Variants in LAMA2 observed in about 807,000 individuals in gnomAD.
The protein encoded by LAMA2 is laminin subunit alpha 2.
In LAMA2, 269 loss-of-function variants were observed where a neutral mutation model predicts 364.8. That is an observed-to-expected ratio of 0.74 (90% CI 0.67 to 0.82). LAMA2 has a LOEUF of 0.82. LAMA2 is among the 40% of genes least tolerant of loss of function. The pLI is 0.00. For synonymous variants in LAMA2, 1,379 were observed against 1,370.6 expected (o/e 1.01, Z -0.14); for missense variants, 3,807 against 3,873.2 (o/e 0.98, Z 0.45).
At chr6:129,103,157 TCTTGATAGC>T (rs1347238744) in intron 4 of LAMA2, among the ~76,000 whole-genome samples, 1 of 152,254 alleles carries the variant, frequency 6.6e-6, no homozygotes. Context: ...ATCTTCACTC[TCTTGATAGC>T]TCTCACATGG....
intron 1 of LAMA2, among the ~76,000 whole-genome samples, chr6:128,974,839 T>C (rs967516560): frequency 3.3e-5 from 5 of 151,136 alleles, no homozygotes; most frequent in African/African-American, 1.2e-4. Flanking sequence ...TGTGACACAA[T>C]TTAATGAGTA....
intron 55 of LAMA2, among the ~76,000 whole-genome samples, chr6:129,483,055 A>C (rs1277191348): frequency 6.9e-6 from 1 of 144,502 alleles, no homozygotes. Context: ...CGACAATGTG[A>C]GACTCCGACT....
Position 129,328,390 on chromosome 6 carries a change from AC to A in LAMA2, c.4292del (p.Pro1431LeufsTer43), listed in dbSNP as rs1488294281. The A allele has an allele frequency of 6.2e-7, 1 of 1,614,148 alleles. No individual in the cohort carries two copies. The highest frequency in any genetic ancestry group is 1.1e-5 in the South Asian group (1 of 91,082). ...CQCNGHSSLC[D>X]PETSICQNCQ... is the part of the protein sequence containing the mutation. ...TGTAATGGACACAGCAGCCTGTGTG[AC>A]CCTGAAACATCGATATGCCAGGTAG... On this transcript the variant is annotated frameshift_variant, in exon 29 of 65. Coordinates refer to ENST00000421865, the MANE Select transcript of LAMA2 (RefSeq NM_000426.4). LOFTEE classifies it high-confidence loss of function.
chr6:129,213,078 C>G (rs1218937941), intron 12 of LAMA2, among the ~76,000 whole-genome samples: 1 of 152,196 alleles, frequency 6.6e-6, no homozygotes, highest in Non-Finnish European at 1.5e-5. Flanking sequence ...TCTTCGCTGT[C>G]TCCATGATTT....
Position 129,200,214 on chromosome 6 carries a change from G to GTA in LAMA2, c.1782+7370_1782+7371dup, listed in dbSNP as rs766032260. On this transcript the variant is annotated intron_variant, in intron 12 of 64. Transcript: ENST00000421865. The stretch of plus-strand genomic sequence containing the variant: ...TATATACATGTACACATATACATGT[G>GTA]TATATATATACGTGTACACATATAC... Among the ~76,000 whole-genome samples the GTA allele has an allele frequency of 1.6e-4, 21 of 131,704 alleles. 1 individual carries two copies. In the East Asian group the frequency reaches 4.4e-3, roughly 28 times the overall value. The allele number at this position is 131,704 out of a possible 152,430, so 86.4% of individuals were successfully genotyped here.
At position 129,452,992 on chromosome 6, in the gene LAMA2, A is replaced by C. The variant is rs1782760304; in HGVS notation, c.6434A>C (p.Lys2145Thr). 1 of 1,612,308 alleles carries C rather than the reference A, an allele frequency of 6.2e-7. No homozygotes were observed. The highest frequency in any genetic ancestry group is 1.3e-5 in the African/African-American group (1 of 74,890). ...TGTATCTTGTTTTTTTTAAAGATCAAAGTATCTGTGTCTTCAGGAGGTGAC... is the reference window on the plus strand; with the variant it reads ...TGTATCTTGTTTTTTTTAAAGATCACAGTATCTGTGTCTTCAGGAGGTGAC... The part of the protein sequence containing the change: ...NQARKQANSI[K>T]VSVSSGGDCI... Residue 2145 changes from lysine to threonine, a missense_variant, in exon 46 of 65, where the codon AAA becomes ACA. Around this residue, in one of 3 missense-constraint regions of LAMA2, gnomAD observed 3,333 missense variants for 3,345.7 expected, o/e 1.00. Coordinates refer to ENST00000421865, the MANE Select transcript of LAMA2 (RefSeq NM_000426.4).
intron 1 of LAMA2, among the ~76,000 whole-genome samples, chr6:129,014,338 C>T (rs899810536): frequency 6.6e-6 from 1 of 152,118 alleles, no homozygotes; most frequent in African/African-American, 2.4e-5. Flanking sequence ...CTGCATTTGT[C>T]CCCTCTGCGT....
intron 12 of LAMA2, among the ~76,000 whole-genome samples, chr6:129,226,512 T>C (rs991981214): frequency 6.6e-5 from 10 of 152,176 alleles, no homozygotes; most frequent in African/African-American, 2.4e-4. Flanking sequence ...CAGGAGCTCT[T>C]TTAGGGCAGG....
chr6:128,996,304 G>A (rs1381532828), intron 1 of LAMA2, among the ~76,000 whole-genome samples: 1 of 152,048 alleles, frequency 6.6e-6, no homozygotes, highest in Non-Finnish European at 1.5e-5. Context: ...GGTGGGGAGT[G>A]TTTGAGGGGT....
intron 4 of LAMA2, among the ~76,000 whole-genome samples, chr6:129,105,376 G>C (rs1211797332): frequency 6.6e-6 from 1 of 152,160 alleles, no homozygotes. Flanking sequence ...CTGCCACTTG[G>C]AAGCACCCTG....
intron 37 of LAMA2, among the ~76,000 whole-genome samples, chr6:129,397,811 G>T (rs1320002025): frequency 6.6e-6 from 1 of 151,676 alleles, no homozygotes; most frequent in Non-Finnish European, 1.5e-5. Flanking sequence ...GTGGTGGCAG[G>T]CACCTGCAGT....
At chr6:128,996,725 T>G (rs2114671753) in intron 1 of LAMA2, among the ~76,000 whole-genome samples, 1 of 152,348 alleles carries the variant, frequency 6.6e-6, no homozygotes, top group South Asian at 2.1e-4. Context: ...TGGTGATTCC[T>G]CAAGGATCTA....
At chr6:129,416,289 T>C (rs927129681) in intron 40 of LAMA2, among the ~76,000 whole-genome samples, 8 of 152,234 alleles carry the variant, frequency 5.3e-5, no homozygotes, top group African/African-American at 1.9e-4. Context: ...GTCATAGTTT[T>C]ATTCCCCACC....
chr6:129,067,598 A>C (rs755327594), intron 3 of LAMA2, among the ~76,000 whole-genome samples: 1 of 152,182 alleles, frequency 6.6e-6, no homozygotes, highest in Admixed American at 6.5e-5. Context: ...AACACTTTCC[A>C]CTAAAAGTCT....
intron 15 of LAMA2, among the ~76,000 whole-genome samples, chr6:129,263,946 G>A (rs1235195286): frequency 1.3e-5 from 2 of 151,882 alleles, no homozygotes; most frequent in African/African-American, 2.4e-5. Context: ...ATCTCAATAT[G>A]TTGCACAGGC....
intron 20 of LAMA2, chr6:129,293,020 G>A: frequency 1.0e-6 from 1 of 985,926 alleles, no homozygotes; most frequent in Non-Finnish European, 1.2e-6. Flanking sequence ...TGGGCTATCG[G>A]CAGCTCCAGC....
chr6:129,052,205 G>T (rs1171854122), intron 2 of LAMA2, among the ~76,000 whole-genome samples: 2 of 148,798 alleles, frequency 1.3e-5, no homozygotes, highest in Admixed American at 1.3e-4. Flanking sequence ...GCGCGATCTC[G>T]GCTCACTGCA....
At chr6:129,434,128 G>A (rs976387640) in intron 41 of LAMA2, among the ~76,000 whole-genome samples, 1 of 152,080 alleles carries the variant, frequency 6.6e-6, no homozygotes, top group Non-Finnish European at 1.5e-5. Flanking sequence ...TTTATATTTA[G>A]CATCATGTCA....
At chr6:129,373,147 A>C (rs1778182669) in intron 34 of LAMA2, among the ~76,000 whole-genome samples, 2 of 152,134 alleles carry the variant, frequency 1.3e-5, no homozygotes, top group Admixed American at 1.3e-4. Flanking sequence ...AACGAAGCCC[A>C]GCTTATCAAT....
Sources: allele counts gnomAD v4.1 joint callset (sites outside exome capture counted in the v4.1 genomes callset), GRCh38; gene constraint gnomAD v4.1.1; regional missense constraint gnomAD v4.1.1; transcripts MANE v1.5; gene names NCBI Gene and HGNC (gene_info 2026-07-23, HGNC 2026-07-21).